Variants in PLPPR1 observed in about 807,000 individuals in gnomAD.
PLPPR1 encodes phospholipid phosphatase related 1, also known as phospholipid phosphatase-related protein type 1.
A neutral mutation model predicts 33.1 loss-of-function variants in PLPPR1; 10 were observed. The ratio of observed to expected loss-of-function variants is 0.30; its 90% CI spans 0.19 to 0.51. The LOEUF (loss-of-function observed/expected upper bound fraction) is 0.51. Among genes scored for constraint, PLPPR1 ranks in the 20% least tolerant of loss-of-function variants. The pLI, the probability that PLPPR1 is intolerant of heterozygous loss-of-function variation, is 0.97. For synonymous variants in PLPPR1, 151 were observed against 151.0 expected (o/e 1.00, Z 0.00); for missense variants, 304 against 408.1 (o/e 0.74, Z 2.20).
intron 1 of PLPPR1, among the ~76,000 whole-genome samples, chr9:101,158,866 G>T (rs1831735085): frequency 6.6e-6 from 1 of 152,208 alleles, no homozygotes; most frequent in Admixed American, 6.5e-5. Flanking sequence ...GTAAGGCTCA[G>T]GGGTACATGC....
Position 101,141,618 on chromosome 9 carries a change from T to C in PLPPR1, c.-45-43832T>C, listed in dbSNP as rs1188321274. ...ATGGATGAGTATTTAAAAACATTTA[T>C]TGAACAAGGCTTAGAAAAGAATCCA... On this transcript the variant is annotated intron_variant, in intron 1 of 7. Transcript: ENST00000374874. Among the ~76,000 whole-genome samples, 4 of 152,186 alleles carry C rather than the reference T, an allele frequency of 2.6e-5. No homozygotes were observed. The South Asian group carries it at 8.3e-4, about 31-fold the overall frequency.
chr9:101,068,314 G>A (rs911803993), intron 1 of PLPPR1, among the ~76,000 whole-genome samples: 8 of 152,040 alleles, frequency 5.3e-5, no homozygotes, highest in African/African-American at 9.7e-5. Flanking sequence ...AGTCATGGCT[G>A]TAGAGACATA....
At chr9:101,295,371 A>T (rs1400519744) in intron 4 of PLPPR1, among the ~76,000 whole-genome samples, 2 of 151,678 alleles carry the variant, frequency 1.3e-5, no homozygotes, top group Admixed American at 6.6e-5. Flanking sequence ...AAATGGCCAT[A>T]CTGCCCAAGG....
chr9:101,203,132 G>C (rs975257456), intron 2 of PLPPR1, among the ~76,000 whole-genome samples: 25 of 152,070 alleles, frequency 1.6e-4, no homozygotes, highest in African/African-American at 6.0e-4. Flanking sequence ...AATGATTTGG[G>C]GGCAGTGCCA....
intron 1 of PLPPR1, among the ~76,000 whole-genome samples, chr9:101,145,644 G>A (rs997699160): frequency 5.3e-5 from 8 of 152,134 alleles, no homozygotes; most frequent in Middle Eastern, 3.4e-3. Context: ...GCCTCCCAAA[G>A]TGCTGGGATT....
intron 1 of PLPPR1, among the ~76,000 whole-genome samples, chr9:101,056,359 C>T (rs1830278113): frequency 6.6e-6 from 1 of 152,076 alleles, no homozygotes. Flanking sequence ...AAAGCAAAGT[C>T]TTTCCAATTT....
chr9:101,224,285 T>C (rs1174305414), intron 2 of PLPPR1, among the ~76,000 whole-genome samples: 4 of 152,110 alleles, frequency 2.6e-5, no homozygotes, highest in Non-Finnish European at 5.9e-5. Context: ...TGCCAGAAAA[T>C]AGGGGGGATG....
At chr9:101,192,175 C>T (rs1826307189) in intron 2 of PLPPR1, among the ~76,000 whole-genome samples, 1 of 152,168 alleles carries the variant, frequency 6.6e-6, no homozygotes, top group African/African-American at 2.4e-5. Flanking sequence ...ACGAATTTCT[C>T]TTGGCCTTGC....
intron 1 of PLPPR1, among the ~76,000 whole-genome samples, chr9:101,143,049 G>A (rs558050240): frequency 6.6e-6 from 1 of 152,018 alleles, no homozygotes; most frequent in Non-Finnish European, 1.5e-5. Flanking sequence ...GAGGCACGGA[G>A]AAAGTGGATG....
At chr9:101,320,970 A>G (rs945166793) in intron 7 of PLPPR1, among the ~76,000 whole-genome samples, 3 of 152,196 alleles carry the variant, frequency 2.0e-5, no homozygotes, top group African/African-American at 7.2e-5. Context: ...AACTCCCAGC[A>G]TTGAATATGA....
At chr9:101,130,882 G>C (rs1356572710) in intron 1 of PLPPR1, among the ~76,000 whole-genome samples, 1 of 152,098 alleles carries the variant, frequency 6.6e-6, no homozygotes, top group South Asian at 2.1e-4. Flanking sequence ...GGTTTTGACA[G>C]GTATGGCTTT....
rs758901259 is a variant in PLPPR1, at chr9:101,312,899, G to T, written c.738G>T (p.Arg246=). 1 of 1,614,106 alleles carries T rather than the reference G, an allele frequency of 6.2e-7. No individual in the cohort carries two copies. Among genetic ancestry groups the T allele is most frequent in the East Asian group, 2.2e-5 (1 of 44,864 alleles). ...LCTAFLTGLN[R]VSEYRNHCSD... ...CAGCCTTCCTGACAGGCCTCAACCG[G>T]GTCTCTGAGTATCGGAACCACTGCT... Residue 246 remains arginine (R), a synonymous_variant, in exon 6 of 8, where the codon CGG becomes CGT. Transcript: ENST00000374874.
At chr9:101,244,607 A>G (rs1276243535) in intron 2 of PLPPR1, among the ~76,000 whole-genome samples, 6 of 151,926 alleles carry the variant, frequency 3.9e-5, no homozygotes, top group African/African-American at 1.4e-4. Context: ...CATTTCAGAT[A>G]TAGTATTGAC....
chr9:101,107,960 G>T lies in PLPPR1; in HGVS notation c.-45-77490G>T, dbSNP rs575484727. Reference sequence around the variant, plus strand: ...CTTTGACTCGGAAAGGGAACTCCCTGACCCCTTGCGCTTCCCAGGTGAGGC... The same window carrying T: ...CTTTGACTCGGAAAGGGAACTCCCTTACCCCTTGCGCTTCCCAGGTGAGGC... On this transcript the variant is annotated intron_variant, in intron 1 of 7. Coordinates refer to ENST00000374874, the MANE Select transcript of PLPPR1 (RefSeq NM_207299.2). 9.3e-5 allele frequency among the ~76,000 whole-genome samples: 14 copies of T among 150,632 alleles called. No individual in the cohort carries two copies. In the South Asian group the frequency reaches 2.7e-3, roughly 29 times the overall value.
chr9:101,226,412 G>T (rs1018004504), intron 2 of PLPPR1, among the ~76,000 whole-genome samples: 1 of 152,120 alleles, frequency 6.6e-6, no homozygotes, highest in Non-Finnish European at 1.5e-5. Context: ...GTCATAGGCT[G>T]TTTGTGCTGC....
intron 4 of PLPPR1, among the ~76,000 whole-genome samples, chr9:101,291,345 C>T (rs930052398): frequency 2.0e-5 from 3 of 152,248 alleles, no homozygotes; most frequent in African/African-American, 7.2e-5. Flanking sequence ...TCTGTAGGCT[C>T]CACCTCTGGG....
intron 2 of PLPPR1, among the ~76,000 whole-genome samples, chr9:101,198,761 G>A (rs1344543034): frequency 6.6e-6 from 1 of 152,158 alleles, no homozygotes; most frequent in Non-Finnish European, 1.5e-5. Flanking sequence ...GCTTCAGAAG[G>A]AAAGGATAGT....
chr9:101,284,826 C>T (rs1175238492), intron 3 of PLPPR1, among the ~76,000 whole-genome samples: 1 of 152,118 alleles, frequency 6.6e-6, no homozygotes, highest in African/African-American at 2.4e-5. Context: ...TAAATTTTCT[C>T]TAAAATCACA....
intron 1 of PLPPR1, among the ~76,000 whole-genome samples, chr9:101,062,148 T>C (rs1033767409): frequency 2.4e-4 from 28 of 117,538 alleles, no homozygotes; most frequent in Non-Finnish European, 4.2e-4. Context: ...TGACAAAATG[T>C]GGTGTGTGTG....
Sources: allele counts gnomAD v4.1 joint callset (sites outside exome capture counted in the v4.1 genomes callset), GRCh38; gene constraint gnomAD v4.1.1; transcripts MANE v1.5; gene names NCBI Gene and HGNC (gene_info 2026-07-23, HGNC 2026-07-21).